Variants in PTPRN2 observed in about 807,000 individuals in gnomAD.
The protein encoded by PTPRN2 is protein tyrosine phosphatase receptor type N2.
In PTPRN2, 74 loss-of-function variants were observed where a neutral mutation model predicts 118.8. That is an observed-to-expected ratio of 0.62 (90% CI 0.52 to 0.76). The LOEUF is 0.76. Ranked by LOEUF, PTPRN2 falls within the 30% of genes least tolerant of loss-of-function variation. The pLI, the probability that PTPRN2 is intolerant of heterozygous loss-of-function variation, is 0.00. For synonymous variants in PTPRN2, 641 were observed against 608.0 expected, an observed-to-expected ratio of 1.05 and a Z score of -0.80; for missense variants, 1,481 against 1,394.4, an observed-to-expected ratio of 1.06 and a Z score of -0.99.
At chr7:158,418,386 T>C (rs1814937836) in intron 2 of PTPRN2, among the ~76,000 whole-genome samples, 1 of 150,792 alleles carries the variant, frequency 6.6e-6, no homozygotes, top group South Asian at 2.1e-4. Flanking sequence ...ATCAAGATGC[T>C]CTAGCTCTCA....
At chr7:157,630,186 G>T (rs1803854948) in intron 14 of PTPRN2, among the ~76,000 whole-genome samples, 1 of 152,310 alleles carries the variant, frequency 6.6e-6, no homozygotes, top group East Asian at 1.9e-4. Flanking sequence ...CCCTTGATGA[G>T]AAGGTATTTT....
intron 2 of PTPRN2, among the ~76,000 whole-genome samples, chr7:158,453,584 C>T (rs1445129341): frequency 4.1e-5 from 6 of 146,094 alleles, no homozygotes; most frequent in South Asian, 2.2e-4. Flanking sequence ...AGGACCTCAA[C>T]GTGGGAGAGG....
intron 12 of PTPRN2, among the ~76,000 whole-genome samples, chr7:157,741,432 G>C (rs769046529): frequency 1.3e-5 from 2 of 152,208 alleles, no homozygotes; most frequent in African/African-American, 4.8e-5. Context: ...AAGGCTCTTC[G>C]GCACCTAGAG....
intron 2 of PTPRN2, among the ~76,000 whole-genome samples, chr7:158,362,740 G>C (rs1452463015): frequency 6.6e-6 from 1 of 152,160 alleles, no homozygotes; most frequent in Non-Finnish European, 1.5e-5. Context: ...GAGAATCAGG[G>C]AACTCGAGTC....
intron 10 of PTPRN2, among the ~76,000 whole-genome samples, chr7:158,101,828 T>TG (rs1815251415): frequency 6.6e-6 from 1 of 152,210 alleles, no homozygotes; most frequent in African/African-American, 2.4e-5. Context: ...GTTGGCCATG[T>TG]GGCCAACCAC....
At chr7:157,902,973 G>A (rs535431048) in intron 11 of PTPRN2, among the ~76,000 whole-genome samples, 1 of 152,280 alleles carries the variant, frequency 6.6e-6, no homozygotes, top group South Asian at 2.1e-4. Context: ...TTGATGCTTA[G>A]GGGCCTGTGT....
intron 3 of PTPRN2, among the ~76,000 whole-genome samples, chr7:158,245,260 C>G (rs922330385): frequency 2.7e-5 from 4 of 150,478 alleles, no homozygotes; most frequent in Admixed American, 2.0e-4. Flanking sequence ...ATGCTGGAAT[C>G]CACGGTCATG....
intron 17 of PTPRN2, 36 bp from the exon 18 acceptor site, chr7:157,578,176 T>C: frequency 6.3e-7 from 1 of 1,583,390 alleles, no homozygotes; most frequent in Non-Finnish European, 8.6e-7. Flanking sequence ...GCGGTGTGAC[T>C]GTCTCATCAC....
chr7:158,157,278 A>T (rs956834772), intron 6 of PTPRN2, among the ~76,000 whole-genome samples: 76 of 152,200 alleles, frequency 5.0e-4, no homozygotes, highest in African/African-American at 1.8e-3. Context: ...AGGTGCCTTT[A>T]GGTGCCCTGC....
intron 1 of PTPRN2, among the ~76,000 whole-genome samples, chr7:158,538,680 C>T (rs2129449305): frequency 6.6e-6 from 1 of 152,276 alleles, no homozygotes; most frequent in Middle Eastern, 3.4e-3. Flanking sequence ...GAGCCCTTTC[C>T]CATGCACTGC....
chr7:158,116,341 G>C (rs892120304), intron 9 of PTPRN2, among the ~76,000 whole-genome samples: 3 of 152,244 alleles, frequency 2.0e-5, no homozygotes, highest in Non-Finnish European at 4.4e-5. Flanking sequence ...TGACAACACT[G>C]TGCTAGTAGG....
At position 158,003,981 on chromosome 7, in the gene PTPRN2, G is replaced by C. The variant is rs1325678848; in HGVS notation, c.1723+77317C>G. Among the ~76,000 whole-genome samples, 2 of 152,156 alleles carry C rather than the reference G, an allele frequency of 1.3e-5. No individual in the cohort carries two copies. Among genetic ancestry groups the C allele is most frequent in the South Asian group, 4.1e-4 (2 of 4,822 alleles). The stretch of plus-strand genomic sequence containing the variant: ...TAGGAAACGTGTCAGCACCTTGGGA[G>C]CCTGGCCAGTGTTTCATTTCACTGA... On this transcript the variant is annotated intron_variant, in intron 11 of 22. Transcript: ENST00000389418. The surrounding 1 kb of genome is among the most constrained non-coding windows in gnomAD (Gnocchi z 5.0).
At chr7:158,146,628 G>C (rs566840598) in intron 6 of PTPRN2, among the ~76,000 whole-genome samples, 1 of 149,550 alleles carries the variant, frequency 6.7e-6, no homozygotes, top group South Asian at 2.1e-4. Flanking sequence ...GCCTGAGGCA[G>C]AAGAATGGTG....
intron 16 of PTPRN2, among the ~76,000 whole-genome samples, chr7:157,600,457 T>G (rs1801608109): frequency 6.6e-6 from 1 of 152,228 alleles, no homozygotes; most frequent in Non-Finnish European, 1.5e-5. Context: ...GTCTTGTTCT[T>G]TACCCCAGGC....
At chr7:157,753,748 G>T (rs536604466) in intron 12 of PTPRN2, among the ~76,000 whole-genome samples, 1 of 152,100 alleles carries the variant, frequency 6.6e-6, no homozygotes, top group Non-Finnish European at 1.5e-5. Flanking sequence ...CTGCCCTAAC[G>T]CTTCCCAGAT....
At chr7:158,170,986 T>C (rs1823497169) in intron 5 of PTPRN2, among the ~76,000 whole-genome samples, 1 of 147,466 alleles carries the variant, frequency 6.8e-6, no homozygotes, top group Non-Finnish European at 1.5e-5. Flanking sequence ...CATACATATA[T>C]ATATACACAT....
chr7:158,131,530 T>C (rs1225623388), intron 9 of PTPRN2, among the ~76,000 whole-genome samples: 12 of 138,594 alleles, frequency 8.7e-5, no homozygotes, highest in African/African-American at 3.0e-4. Context: ...CACACACTCA[T>C]ACACACACAC....
At chr7:158,414,919 G>A (rs1814525472) in intron 2 of PTPRN2, among the ~76,000 whole-genome samples, 1 of 152,162 alleles carries the variant, frequency 6.6e-6, no homozygotes, top group East Asian at 1.9e-4. Flanking sequence ...TGGGACAAAA[G>A]CCTGCAAGGA....
chr7:157,707,342 T>C (rs1054950554), intron 12 of PTPRN2, among the ~76,000 whole-genome samples: 2 of 151,870 alleles, frequency 1.3e-5, no homozygotes, highest in African/African-American at 4.8e-5. Context: ...CATAGGCATA[T>C]AGTAAACACC....
Sources: gnomAD v4.1 joint callset for allele counts (sites outside exome capture counted in the v4.1 genomes callset) on GRCh38, gnomAD v4.1.1 for gene constraint, Gnocchi (gnomAD v3.1) non-coding constraint, MANE v1.5 for transcripts, NCBI Gene and HGNC (gene_info 2026-07-23, HGNC 2026-07-21) for gene names.